The following SLC41A3 variants were observed in gnomAD, a reference collection of about 807,000 sequenced individuals.
The protein encoded by SLC41A3 is solute carrier family 41 member 3.
In SLC41A3, 44 loss-of-function variants were observed where a neutral mutation model predicts 45.4. The ratio of observed to expected loss-of-function variants is 0.97; its 90% CI spans 0.76 to 1.25. SLC41A3 has a LOEUF of 1.25. Ranked by LOEUF, SLC41A3 falls within the 50% of genes most tolerant of loss-of-function variation. The probability of loss-of-function intolerance (pLI) is 0.00; values close to 1 mark genes in which losing one functional copy is unlikely to be tolerated. For synonymous variants in SLC41A3, 256 were observed against 252.4 expected (o/e 1.01, Z -0.13); for missense variants, 550 against 600.6 (o/e 0.92, Z 0.88).
At position 126,008,857 on chromosome 3, in the gene SLC41A3, C is replaced by T. The variant is rs769291567; in HGVS notation, c.1129G>A (p.Val377Ile). ...CCTGGGACCACCAGCAAGAGCAGGA[C>T]TCGAGCTGACATGGAATTGATTTCT... ...TSEINSMSAR[V>I]LLLLVVPGHL... The change falls in exon 10 of 11, where the codon GTC (valine) becomes ATC (isoleucine). Residue 377 changes from valine to isoleucine, a missense_variant. Coordinates refer to ENST00000360370, the MANE Select transcript of SLC41A3 (RefSeq NM_017836.4). 1 of 1,614,156 alleles carries T rather than the reference C, an allele frequency of 6.2e-7. No individual in the cohort carries two copies. The highest frequency in any genetic ancestry group is 1.1e-5 in the South Asian group (1 of 91,084).
At chr3:126,063,384 T>G (rs1416849802) in intron 2 of SLC41A3, among the ~76,000 whole-genome samples, 1 of 151,990 alleles carries the variant, frequency 6.6e-6, no homozygotes, top group African/African-American at 2.4e-5. Flanking sequence ...TCACGGTGGG[T>G]GCTGCCGTGT....
rs574216725 is a variant in SLC41A3 at position 126,063,357 on chromosome 3, G to A, written c.273+4590C>T. Among the ~76,000 whole-genome samples, 6 of 152,242 alleles carry A rather than the reference G, an allele frequency of 3.9e-5. No homozygotes were observed. In the South Asian group the frequency reaches 8.3e-4, roughly 21 times the overall value. The stretch of plus-strand genomic sequence containing the variant: ...CCCTTGAGATGGGCTGGCCATTCAC[G>A]GTGGGAGCTATAGGCTTCACGGTGG... On this transcript the variant is annotated intron_variant, in intron 2 of 10. Transcript: ENST00000360370.
At position 126,055,170 on chromosome 3, in the gene SLC41A3, T is replaced by C. The variant is rs114498782; in HGVS notation, c.274-4120A>G. On this transcript the variant is annotated intron_variant, in intron 2 of 10. Transcript: ENST00000360370. ...TACACTCGGGAACATGAAATGCTAC[T>C]TGGGGTGTCCTCATGGGTTGAAATT... Among the ~76,000 whole-genome samples the C allele has an allele frequency of 5.6e-3, 853 of 152,256 alleles. 8 individuals carry two copies. The highest frequency in any genetic ancestry group is 0.02 in the African/African-American group (821 of 41,552).
At chr3:126,058,982 C>T (rs1943846224) in intron 2 of SLC41A3, among the ~76,000 whole-genome samples, 1 of 151,994 alleles carries the variant, frequency 6.6e-6, no homozygotes. Context: ...AACGTACTCT[C>T]TGAACCTTCC....
intron 4 of SLC41A3, among the ~76,000 whole-genome samples, chr3:126,029,980 T>C (rs1410028371): frequency 6.8e-6 from 1 of 147,032 alleles, no homozygotes; most frequent in Non-Finnish European, 1.5e-5. Flanking sequence ...TTAAACAGGG[T>C]AAGAAAAACT....
chr3:126,021,342 T>G (rs994918607), intron 6 of SLC41A3, among the ~76,000 whole-genome samples: 2 of 152,184 alleles, frequency 1.3e-5, no homozygotes, highest in Non-Finnish European at 2.9e-5. Context: ...ATTGAAGTGG[T>G]GCACATGCTC....
intron 1 of SLC41A3, chr3:126,095,043 G>A (rs1325860695): frequency 4.5e-6 from 2 of 439,574 alleles, no homozygotes; most frequent in South Asian, 5.5e-5. Flanking sequence ...AAGGCCAGAT[G>A]TTATCAGTAG....
chr3:126,011,946 CACA>C (rs1939755948), intron 9 of SLC41A3, among the ~76,000 whole-genome samples: 2 of 152,336 alleles, frequency 1.3e-5, no homozygotes, highest in African/African-American at 4.8e-5. Flanking sequence ...AACAAAAAGA[CACA>C]ACATCTCCAA....
intron 2 of SLC41A3, chr3:126,056,500 C>T (rs367939630): frequency 6.8e-6 from 11 of 1,614,048 alleles, no homozygotes; most frequent in East Asian, 4.5e-5. Context: ...GCTGAAGCCT[C>T]GCAGCTTCTT....
intron 9 of SLC41A3, among the ~76,000 whole-genome samples, chr3:126,012,358 G>A (rs1192110909): frequency 1.3e-5 from 2 of 152,118 alleles, no homozygotes; most frequent in Non-Finnish European, 2.9e-5. Context: ...TGTACTTCAA[G>A]GGCAAGAAAT....
At chr3:126,093,056 G>T (rs867507920) in intron 1 of SLC41A3, among the ~76,000 whole-genome samples, 9 of 152,236 alleles carry the variant, frequency 5.9e-5, no homozygotes, top group Admixed American at 4.6e-4. Flanking sequence ...GTTCTATTTA[G>T]GCAAGAATCC....
chr3:126,009,029 G>A, intron 9 of SLC41A3, 149 bp from the exon 10 acceptor site: 1 of 911,212 alleles, frequency 1.1e-6, no homozygotes, highest in Non-Finnish European at 1.7e-6. Flanking sequence ...TATTCTGGCA[G>A]ATGGGGATAC....
At chr3:126,067,619 C>T (rs914671115) in intron 2 of SLC41A3, 1 of 485,628 alleles carries the variant, frequency 2.1e-6, no homozygotes, top group Non-Finnish European at 4.0e-6. Flanking sequence ...TGTTGAAGCA[C>T]CCCAGTGTGT....
At chr3:126,084,752 A>G (rs1025269041), upstream of SLC41A3, among the ~76,000 whole-genome samples, 1 of 152,142 alleles carries the variant, frequency 6.6e-6, no homozygotes, top group African/African-American at 2.4e-5. Flanking sequence ...GGTAAAATAT[A>G]TCATTATATT....
chr3:126,035,099 CATG>C (rs1319268306), intron 3 of SLC41A3, among the ~76,000 whole-genome samples: 2 of 152,112 alleles, frequency 1.3e-5, no homozygotes, highest in Non-Finnish European at 2.9e-5. Flanking sequence ...GAGAGAGAGA[CATG>C]AGAGGGGAAG....
intron 1 of SLC41A3, among the ~76,000 whole-genome samples, chr3:126,080,412 T>C (rs1480439099): frequency 6.6e-6 from 1 of 152,158 alleles, no homozygotes; most frequent in Non-Finnish European, 1.5e-5. Context: ...TGAATAGATA[T>C]TTCTCAAAAG....
upstream of SLC41A3, among the ~76,000 whole-genome samples, chr3:126,086,381 C>T (rs908819536): frequency 1.2e-4 from 18 of 144,394 alleles, no homozygotes; most frequent in South Asian, 2.2e-4. Context: ...TTGGATCTAA[C>T]CTATTTTTCT....
Position 126,047,166 on chromosome 3 carries a change from C to A in SLC41A3, c.381+3777G>T, listed in dbSNP as rs549949451. ...TAGCTTGAGCTCAGGAGTTTGAGAC[C>A]AACCTGGGCAACATGGTGAAACCCT... is the stretch of plus-strand genomic sequence containing the variant. On this transcript the variant is annotated intron_variant, in intron 3 of 10. Transcript: ENST00000360370. Among the ~76,000 whole-genome samples, 40 of 152,060 alleles carry A rather than the reference C, an allele frequency of 2.6e-4. 1 individual carries two copies. The South Asian group carries it at 7.9e-3, about 30-fold the overall frequency.
chr3:126,046,100 C>T (rs1942942060), intron 3 of SLC41A3, among the ~76,000 whole-genome samples: 1 of 150,596 alleles, frequency 6.6e-6, no homozygotes. Flanking sequence ...ACTACCTCAA[C>T]ATAATAAAGG....
Sources: gnomAD v4.1 joint callset for allele counts (sites outside exome capture counted in the v4.1 genomes callset) on GRCh38, gnomAD v4.1.1 for gene constraint, MANE v1.5 for transcripts, NCBI Gene and HGNC (gene_info 2026-07-23, HGNC 2026-07-21) for gene names.